The following CPNE8 variants were observed in gnomAD, a reference collection of about 807,000 sequenced individuals.
The protein encoded by CPNE8 is copine-8.
In CPNE8, 45 loss-of-function variants were observed where a neutral mutation model predicts 81.5. The observed-to-expected ratio is 0.55, with a 90% confidence interval of 0.44 to 0.71. The LOEUF (loss-of-function observed/expected upper bound fraction) is 0.71, where lower values mean the gene tolerates loss of function less well. CPNE8 is among the 30% of genes least tolerant of loss of function. The pLI, the probability that CPNE8 is intolerant of heterozygous loss-of-function variation, is 0.00. For missense variants in CPNE8, 594 were observed against 672.1 expected, an observed-to-expected ratio of 0.88 and a Z score of 1.28; for synonymous variants, 252 against 226.3, an observed-to-expected ratio of 1.11 and a Z score of -1.02.
intron 8 of CPNE8, among the ~76,000 whole-genome samples, chr12:38,766,675 T>C (rs1480224797): frequency 6.6e-6 from 1 of 152,180 alleles, no homozygotes; most frequent in Admixed American, 6.5e-5. Context: ...GTTTCATATA[T>C]AAGTGCAGCA....
rs1370593409 is a variant in CPNE8, at chr12:38,806,052, G to T, written c.407+23327C>A. Among the ~76,000 whole-genome samples the T allele has an allele frequency of 2.7e-5, 4 of 150,298 alleles. 1 individual carries two copies. The highest frequency in any genetic ancestry group is 5.9e-5 in the Non-Finnish European group (4 of 67,446). On this transcript the variant is annotated intron_variant, in intron 6 of 19. Coordinates refer to ENST00000331366, the MANE Select transcript of CPNE8 (RefSeq NM_153634.3). ...CATACACCCTCCCAAGACTAAAGCA[G>T]GAAGAAGTTGAATCTCTGAATAGAC...
chr12:38,685,434 T>G, intron 16 of CPNE8, 56 bp downstream of exon 16: 3 of 1,563,366 alleles, frequency 1.9e-6, no homozygotes, highest in Non-Finnish European at 2.6e-6. Flanking sequence ...AACAATGTTA[T>G]GAGTTCACCA....
At chr12:38,881,992 C>A (rs1387312547) in intron 1 of CPNE8, among the ~76,000 whole-genome samples, 1 of 152,138 alleles carries the variant, frequency 6.6e-6, no homozygotes, top group African/African-American at 2.4e-5. Flanking sequence ...ACCTTTTCCC[C>A]AATCTTATGG....
In CPNE8 at chr12:38,809,740, T is replaced by C. The variant is rs535526063; in HGVS notation, c.407+19639A>G. 2.0e-5 allele frequency among the ~76,000 whole-genome samples: 3 copies of C among 152,302 alleles called. No homozygotes were observed. The South Asian group carries it at 6.2e-4, about 32-fold the overall frequency. ...TCCCTAAATCTAACCAGCTTTAATG[T>C]TCCAAATCTCATCATCTAAATCCTT... On this transcript the variant is annotated intron_variant, in intron 6 of 19. Coordinates refer to ENST00000331366, the MANE Select transcript of CPNE8 (RefSeq NM_153634.3).
At chr12:38,835,203 C>G (rs1189426408) in intron 5 of CPNE8, among the ~76,000 whole-genome samples, 1 of 152,124 alleles carries the variant, frequency 6.6e-6, no homozygotes, top group African/African-American at 2.4e-5. Flanking sequence ...TTTCTTGACT[C>G]AAGGCCACTG....
At chr12:38,684,024 C>T (rs1298520691) in intron 16 of CPNE8, among the ~76,000 whole-genome samples, 1 of 152,058 alleles carries the variant, frequency 6.6e-6, no homozygotes, top group Non-Finnish European at 1.5e-5. Flanking sequence ...CATTGATGAA[C>T]ACATTTCTAA....
chr12:38,771,540 A>C (rs566688196), intron 7 of CPNE8, among the ~76,000 whole-genome samples: 1 of 152,192 alleles, frequency 6.6e-6, no homozygotes, highest in Non-Finnish European at 1.5e-5. Context: ...TGTGGCATTT[A>C]ATTAAATATA....
At chr12:38,815,793 C>CA (rs1943014394) in intron 6 of CPNE8, among the ~76,000 whole-genome samples, 2 of 152,000 alleles carry the variant, frequency 1.3e-5, no homozygotes, top group Non-Finnish European at 2.9e-5. Flanking sequence ...AAAAGGAAAG[C>CA]AAAATAGTTA....
At chr12:38,824,584 A>G (rs1261922684) in intron 6 of CPNE8, among the ~76,000 whole-genome samples, 1 of 152,040 alleles carries the variant, frequency 6.6e-6, no homozygotes, top group Non-Finnish European at 1.5e-5. Flanking sequence ...AGCAAAAAAA[A>G]AACAAGGAAG....
At chr12:38,656,074 C>T (rs1043964610) in intron 19 of CPNE8, among the ~76,000 whole-genome samples, 3 of 146,210 alleles carry the variant, frequency 2.1e-5, no homozygotes, top group African/African-American at 5.0e-5. Flanking sequence ...CAAGACTTGA[C>T]ATTTTTAACA....
Position 38,786,595 on chromosome 12 carries a change from A to AAT in CPNE8, c.408-10296_408-10295dup, listed in dbSNP as rs534529211. ...GGACTTTGTGATCGTGTGAGTTATT[A>AAT]ATATATATATATTCCATTAGTTCTG... On this transcript the variant is annotated intron_variant, in intron 6 of 19. Coordinates refer to ENST00000331366, the MANE Select transcript of CPNE8 (RefSeq NM_153634.3). Among the ~76,000 whole-genome samples the AAT allele has an allele frequency of 2.6e-3, 399 of 151,964 alleles. 2 individuals carry two copies. Among genetic ancestry groups the AAT allele is most frequent in the African/African-American group, 8.8e-3 (366 of 41,446 alleles).
At position 38,783,509 on chromosome 12, in the gene CPNE8, G is replaced by T. The variant is rs970538909; in HGVS notation, c.408-7208C>A. On this transcript the variant is annotated intron_variant, in intron 6 of 19. Transcript: ENST00000331366. ...ATGGTGAGGTATTGAACTCAGTGCT[G>T]CCCTGTTATAGCAGAAAGTAAAACC... 3.3e-5 allele frequency among the ~76,000 whole-genome samples: 5 copies of T among 152,230 alleles called. No homozygotes were observed. The South Asian group carries it at 1.0e-3, about 32-fold the overall frequency.
At chr12:38,720,511 A>G (rs1377886243) in intron 13 of CPNE8, 1 of 152,222 alleles carries the variant, frequency 6.6e-6, no homozygotes, top group Non-Finnish European at 1.5e-5. Flanking sequence ...AGCAAAACAA[A>G]AAAACAAGAC....
intron 1 of CPNE8, among the ~76,000 whole-genome samples, chr12:38,885,991 C>T (rs77384621): frequency 3.3e-5 from 5 of 152,138 alleles, no homozygotes; most frequent in Non-Finnish European, 7.3e-5. Context: ...GCATACAGAA[C>T]GGTGAGCCAA....
rs1403936704 is a variant in CPNE8, at chr12:38,885,576, G to A, written c.99-11065C>T. ...ATGTAGCTGACCCTGTGAGAAGAACGAAAACAAGGGCAGAAATATCCAAAC... is the reference window on the plus strand; with the variant it reads ...ATGTAGCTGACCCTGTGAGAAGAACAAAAACAAGGGCAGAAATATCCAAAC... On this transcript the variant is annotated intron_variant, in intron 1 of 19. Transcript: ENST00000331366. Among the ~76,000 whole-genome samples, 6 of 152,072 alleles carry A rather than the reference G, an allele frequency of 3.9e-5. No individual in the cohort carries two copies. In the South Asian group the frequency reaches 6.2e-4, roughly 16 times the overall value.
At chr12:38,891,698 C>T (rs1043509879) in intron 1 of CPNE8, among the ~76,000 whole-genome samples, 1 of 152,160 alleles carries the variant, frequency 6.6e-6, no homozygotes, top group Non-Finnish European at 1.5e-5. Flanking sequence ...CCGTCCGCCT[C>T]GGCCTCCCAA....
At chr12:38,902,389 GAAAGAGAA>G (rs1944498545) in intron 1 of CPNE8, among the ~76,000 whole-genome samples, 2 of 75,488 alleles carry the variant, frequency 2.6e-5, no homozygotes, top group Non-Finnish European at 2.5e-5. Context: ...AGAAAAGAAA[GAAAGAGAA>G]AGAAAGAAAG....
At chr12:38,841,743 T>C (rs1008047591) in intron 4 of CPNE8, among the ~76,000 whole-genome samples, 23 of 152,194 alleles carry the variant, frequency 1.5e-4, no homozygotes, top group Non-Finnish European at 1.6e-4. Context: ...AATACATACA[T>C]GCCACTTTTG....
At chr12:38,905,681 G>A (rs950427653), upstream of CPNE8, 8 of 1,465,694 alleles carry the variant, frequency 5.5e-6, no homozygotes, top group Non-Finnish European at 7.2e-6. Context: ...GGGAGGGAAG[G>A]GAGGAGGCGG....
Sources: allele counts gnomAD v4.1 joint callset (sites outside exome capture counted in the v4.1 genomes callset), GRCh38; gene constraint gnomAD v4.1.1; transcripts MANE v1.5; gene names NCBI Gene and HGNC (gene_info 2026-07-23, HGNC 2026-07-21).